ENAM: variants seen among roughly 807,000 people sequenced by gnomAD.
ENAM encodes amelogenesis imperfecta 2, hypocalcification (autosomal dominant).
Under a neutral mutation model 33.6 loss-of-function variants are expected in ENAM, and 21 were observed. The observed-to-expected ratio is 0.63, with a 90% CI of 0.44 to 0.90. The LOEUF (loss-of-function observed/expected upper bound fraction) is 0.90, where lower values mean the gene tolerates loss of function less well. ENAM is among the 40% of genes least tolerant of loss of function. The probability of loss-of-function intolerance (pLI) is 0.00; values close to 1 mark genes in which losing one functional copy is unlikely to be tolerated. For synonymous variants in ENAM, 473 were observed against 468.4 expected (o/e 1.01, Z -0.13); for missense variants, 1,388 against 1,366.9 (o/e 1.02, Z -0.24).
rs180839943 is a variant in ENAM at position 70,637,547 on chromosome 4, G to C, written c.535-243G>C. 1.1e-5 allele frequency: 6 copies of C among 529,058 alleles called. No homozygotes were observed. In the African/African-American group the frequency reaches 1.1e-4, roughly 10 times the overall value. The allele number at this position is 529,058 out of a possible 1,614,324, so 32.8% of individuals were successfully genotyped here. On this transcript the variant is annotated intron_variant, in intron 7 of 8. Coordinates refer to ENST00000396073, the MANE Select transcript of ENAM (RefSeq NM_031889.3). ...GATTGCCAACAGATGCAGCCATACA[G>C]AGTATTTTAAGTAGGATAATCTAGG...
At chr4:70,630,991 C>G (rs1440275202) in intron 2 of ENAM, among the ~76,000 whole-genome samples, 1 of 152,186 alleles carries the variant, frequency 6.6e-6, no homozygotes, top group Non-Finnish European at 1.5e-5. Flanking sequence ...ATCCACCCAC[C>G]TCAGCCTCCC....
Position 70,634,903 on chromosome 4 carries a change from A to G in ENAM, c.471+335A>G, listed in dbSNP as rs536019538. 3.3e-5 allele frequency among the ~76,000 whole-genome samples: 5 copies of G among 152,330 alleles called. No individual in the cohort carries two copies. In the South Asian group the frequency reaches 1.0e-3, roughly 32 times the overall value. ...ATTGAACAAGTTACTTCACCTTTCT[A>G]GGTTCCAGTTTCCCCATGAGTAAAC... On this transcript the variant is annotated intron_variant, in intron 6 of 8. Transcript: ENST00000396073.
chr4:70,643,186 T>C lies in ENAM; in HGVS notation c.1760T>C (p.Leu587Ser), dbSNP rs776755893. 1.1e-5 allele frequency: 18 copies of C among 1,613,840 alleles called. No individual in the cohort carries two copies. The highest frequency in any genetic ancestry group is 1.5e-5 in the Non-Finnish European group (18 of 1,179,944). The change falls in exon 9 of 9, where the codon TTA (leucine) becomes TCA (serine). Residue 587 changes from leucine (L) to serine (S), a missense_variant. Physicochemically the swap from Leu to Ser is moderately radical, Grantham distance 145. Transcript: ENST00000396073. ...KEDPGRQEEHLPHPSHGSRGS... is the reference protein window; with the variant it reads ...KEDPGRQEEHSPHPSHGSRGS... Reference sequence around the variant, plus strand: ...GATCCAGGGAGGCAAGAAGAACATTTACCCCATCCTTCCCATGGTTCTAGA... The same window carrying C: ...GATCCAGGGAGGCAAGAAGAACATTCACCCCATCCTTCCCATGGTTCTAGA...
chr4:70,629,429 T>C lies in ENAM; in HGVS notation c.-60-12T>C. 1 of 1,036,542 alleles carries C rather than the reference T, an allele frequency of 9.6e-7. No homozygotes were observed. Among genetic ancestry groups the C allele is most frequent in the Non-Finnish European group, 1.5e-6 (1 of 653,182 alleles). The allele number at this position is 1,036,542 out of a possible 1,614,324, so 64.2% of individuals were successfully genotyped here. The stretch of plus-strand genomic sequence containing the variant: ...ATTCATTTCATTTATTTGTTCCATT[T>C]CTATATTTTAGTTTCTTCTCAGGTT... On this transcript the variant is annotated splice_polypyrimidine_tract_variant and intron_variant, in intron 1 of 8. Transcript: ENST00000396073.
At position 70,628,902 on chromosome 4, in the gene ENAM, G is replaced by A. The variant is rs1993579; in HGVS notation, c.-123G>A. On this transcript the variant is annotated 5_prime_UTR_variant, in exon 1 of 9. Coordinates refer to ENST00000396073, the MANE Select transcript of ENAM (RefSeq NM_031889.3). ...AGACCATTAAGAATATATTTCAAAG[G>A]CAAGCTAACAAAGTTCAAGTAAAAA... The A allele has an allele frequency of 0.22, 33,333 of 152,420 alleles. 9,074 individuals carry two copies. Among genetic ancestry groups the A allele is most frequent in the African/African-American group, 0.65 (26,882 of 41,438 alleles). The allele number at this position is 152,420 out of a possible 1,614,324, so 9.4% of individuals were successfully genotyped here. A position where few individuals can be genotyped will look rare whatever the true frequency, so the allele number is the denominator to read the frequency against.
In ENAM at chr4:70,645,432, C is replaced by G. The variant is rs991319874; in HGVS notation, c.*577C>G. 1 of 153,758 alleles carries G rather than the reference C, an allele frequency of 6.5e-6. No individual in the cohort carries two copies. Among genetic ancestry groups the G allele is most frequent in the African/African-American group, 2.4e-5 (1 of 40,962 alleles). 9.5% of individuals were successfully genotyped at this position (153,758 alleles called of 1,614,324 possible). Reference sequence around the variant, plus strand: ...TCTCCCTCAACCATTCTGTATTTAGCTTTCTAATCCTCATCTTTTTCTCTC... The same window carrying G: ...TCTCCCTCAACCATTCTGTATTTAGGTTTCTAATCCTCATCTTTTTCTCTC... On this transcript the variant is annotated 3_prime_UTR_variant, in exon 9 of 9. Coordinates refer to ENST00000396073, the MANE Select transcript of ENAM (RefSeq NM_031889.3).
At chr4:70,629,320 CT>C in intron 1 of ENAM, 120 bp from the exon 2 acceptor site, 1 of 621,808 alleles carries the variant, frequency 1.6e-6, no homozygotes, top group South Asian at 1.9e-5. Context: ...GAAGATTAAA[CT>C]TGATTTTGTG....
chr4:70,631,077 A>G (rs1251026591), intron 2 of ENAM, among the ~76,000 whole-genome samples: 2 of 152,184 alleles, frequency 1.3e-5, no homozygotes, highest in East Asian at 1.9e-4. Context: ...TGATGATGAT[A>G]ATAATAATAA....
Position 70,643,067 on chromosome 4 carries a change from A to G in ENAM, c.1641A>G (p.Val547=), listed in dbSNP as rs1247344649. The change falls in exon 9 of 9, where the codon GTA becomes GTG. Residue 547 remains valine, a synonymous_variant. Transcript: ENST00000396073. ...AGCACAGCTCATATCAGCCTGCTGT[A>G]TACCCTGAGGAAATCCCTTCTCCTG... The part of the protein sequence containing the change: ...ELKHSSYQPA[V]YPEEIPSPAK... 2 of 1,613,968 alleles carry G rather than the reference A, an allele frequency of 1.2e-6. No individual in the cohort carries two copies. Among genetic ancestry groups the G allele is most frequent in the African/African-American group, 1.3e-5 (1 of 74,912 alleles).
At chr4:70,629,829 T>C (rs543613815) in intron 2 of ENAM, among the ~76,000 whole-genome samples, 1 of 152,286 alleles carries the variant, frequency 6.6e-6, no homozygotes, top group East Asian at 1.9e-4. Context: ...CATAATATAT[T>C]AATTTTACAA....
At chr4:70,632,619 T>C (rs1243883907) in intron 4 of ENAM, 32 bp from the exon 5 acceptor site, 1 of 1,506,282 alleles carries the variant, frequency 6.6e-7, no homozygotes, top group Non-Finnish European at 9.2e-7. Context: ...AGTTTCACTT[T>C]GTATCACATT....
Position 70,645,489 on chromosome 4 carries a change from A to G in ENAM, c.*634A>G, listed in dbSNP as rs1348826711. Reference sequence around the variant, plus strand: ...TCACTTCTTACATATTAAATTAGCTATTTTAACCATTTCTAGTCTCTTCTT... The same window carrying G: ...TCACTTCTTACATATTAAATTAGCTGTTTTAACCATTTCTAGTCTCTTCTT... On this transcript the variant is annotated 3_prime_UTR_variant, in exon 9 of 9. Coordinates refer to ENST00000396073, the MANE Select transcript of ENAM (RefSeq NM_031889.3). 6.6e-6 allele frequency: 1 copy of G among 152,178 alleles called. No homozygotes were observed. Among genetic ancestry groups the G allele is most frequent in the Non-Finnish European group, 1.5e-5 (1 of 68,294 alleles). 9.4% of individuals were successfully genotyped at this position (152,178 alleles called of 1,614,324 possible).
intron 1 of ENAM, 87 bp downstream of exon 1, chr4:70,629,051 C>T (rs1738243992): frequency 6.0e-6 from 1 of 165,826 alleles, no homozygotes; most frequent in African/African-American, 2.4e-5. Flanking sequence ...CTCCTTATTG[C>T]ATTCCTTCTT....
At position 70,644,947 on chromosome 4, in the gene ENAM, G is replaced by A. The variant is rs1044040348; in HGVS notation, c.*92G>A. 2.9e-6 allele frequency: 3 copies of A among 1,025,422 alleles called. No homozygotes were observed. The highest frequency in any genetic ancestry group is 1.9e-5 in the Admixed American group (1 of 52,548). 63.5% of individuals were successfully genotyped at this position (1,025,422 alleles called of 1,614,324 possible). A position where few individuals can be genotyped will look rare whatever the true frequency, so the allele number is the denominator to read the frequency against. On this transcript the variant is annotated 3_prime_UTR_variant, in exon 9 of 9. Transcript: ENST00000396073. ...AATTTTTTCCCCAAGACTTAATTAA[G>A]TGTCTGACTGTCTTGGTGATCCTTA...
chr4:70,640,418 A>G (rs1256826406), intron 8 of ENAM, among the ~76,000 whole-genome samples: 1 of 152,258 alleles, frequency 6.6e-6, no homozygotes, highest in Non-Finnish European at 1.5e-5. Context: ...AGAAGTTTCA[A>G]TATGAATAAG....
intron 8 of ENAM, among the ~76,000 whole-genome samples, chr4:70,638,410 A>T (rs995747934): frequency 6.7e-6 from 1 of 149,432 alleles, no homozygotes; most frequent in Non-Finnish European, 1.5e-5. Context: ...GAACTGTGGT[A>T]ACTTAATAGC....
intron 1 of ENAM, 85 bp from the exon 2 acceptor site, chr4:70,629,356 A>T: frequency 1.3e-6 from 1 of 740,958 alleles, no homozygotes; most frequent in South Asian, 1.5e-5. Flanking sequence ...GTATGACTGG[A>T]TAAAATAATT....
At chr4:70,629,878 A>G (rs1157225898) in intron 2 of ENAM, among the ~76,000 whole-genome samples, 2 of 152,178 alleles carry the variant, frequency 1.3e-5, no homozygotes, top group Non-Finnish European at 1.5e-5. Context: ...TATAAAGGCT[A>G]CATATATTAT....
chr4:70,630,728 TC>T (rs547187516), intron 2 of ENAM, among the ~76,000 whole-genome samples: 93 of 150,866 alleles, frequency 6.2e-4, no homozygotes, highest in African/African-American at 2.1e-3. Flanking sequence ...TTCCTGACCA[TC>T]TTAGAGCATA....
Sources: gnomAD v4.1 joint callset for allele counts (sites outside exome capture counted in the v4.1 genomes callset) on GRCh38, gnomAD v4.1.1 for gene constraint, MANE v1.5 for transcripts, NCBI Gene and HGNC (gene_info 2026-07-23, HGNC 2026-07-21) for gene names.